SHROOM4: variants seen among roughly 807,000 people sequenced by gnomAD.
SHROOM4 encodes the protein protein Shroom4.
Under a neutral mutation model 80.3 loss-of-function variants are expected in SHROOM4, and 17 were observed. The ratio of observed to expected loss-of-function variants is 0.21; its 90% CI spans 0.14 to 0.32. The LOEUF (loss-of-function observed/expected upper bound fraction) is 0.32, where lower values mean the gene tolerates loss of function less well. SHROOM4 is among the 10% of genes least tolerant of loss of function. SHROOM4 has a pLI of 1.00. For missense variants in SHROOM4, 993 were observed against 1,140.3 expected (o/e 0.87, Z 1.86); for synonymous variants, 400 against 437.5 (o/e 0.91, Z 1.07).
intron 1 of SHROOM4, among the ~76,000 whole-genome samples, chrX:50,753,515 A>C (rs1321295499): frequency 2.7e-5 from 3 of 111,916 alleles, no homozygotes; most frequent in Non-Finnish European, 5.6e-5. Context: ...TGAGCTGTCC[A>C]GTACAGTAGC....
chrX:50,680,589 T>C (rs1557261721), intron 2 of SHROOM4, among the ~76,000 whole-genome samples: 1 of 111,330 alleles, frequency 9.0e-6, no homozygotes, highest in Non-Finnish European at 1.9e-5. Flanking sequence ...TACCTCTAAA[T>C]ACTTCAGTTT....
intron 5 of SHROOM4, among the ~76,000 whole-genome samples, chrX:50,617,338 A>G (rs1201649425): frequency 8.9e-6 from 1 of 111,779 alleles, no homozygotes; most frequent in African/African-American, 3.3e-5. Flanking sequence ...CCTTGTTCCC[A>G]TCAAGAGAAT....
At chrX:50,608,394 C>T (rs782139413) in intron 5 of SHROOM4, among the ~76,000 whole-genome samples, 1 of 111,803 alleles carries the variant, frequency 8.9e-6, no homozygotes, top group Non-Finnish European at 1.9e-5. Context: ...AAGTGGTTTC[C>T]ATGTCTTCAC....
chrX:50,794,216 G>A (rs375033596), intron 1 of SHROOM4, among the ~76,000 whole-genome samples: 24 of 111,689 alleles, frequency 2.1e-4, no homozygotes, highest in Non-Finnish European at 4.1e-4. Context: ...TAGTGAACTA[G>A]AACACTGCAA....
chrX:50,786,032 C>T (rs1935732308), intron 1 of SHROOM4, among the ~76,000 whole-genome samples: 1 of 111,042 alleles, frequency 9.0e-6, no homozygotes, highest in Non-Finnish European at 1.9e-5. Context: ...TTGAAAAATC[C>T]AGAAACTACA....
intron 2 of SHROOM4, among the ~76,000 whole-genome samples, chrX:50,690,795 T>C (rs1440878579): frequency 2.7e-5 from 3 of 111,744 alleles, no homozygotes; most frequent in African/African-American, 9.8e-5. Context: ...GGTGAAGCCC[T>C]GTCTCTACTA....
Position 50,607,490 on chromosome X carries a change from G to T in SHROOM4, c.3652C>A (p.Pro1218Thr), listed in dbSNP as rs1557248736. Residue 1218 changes from proline to threonine, a missense_variant, in exon 6 of 9, where the codon CCA becomes ACA. By Grantham distance (38) the Pro-to-Thr change is conservative. Coordinates refer to ENST00000376020, the MANE Select transcript of SHROOM4 (RefSeq NM_020717.5). The stretch of plus-strand genomic sequence containing the variant: ...TGAGATCCCAAGTGACCCCTTATTG[G>T]AGGCAAGAAATCACTGGAATGGAGT... ...FALHSSDFLPPIRGHLGSQPE... is the reference protein window; with the variant it reads ...FALHSSDFLPTIRGHLGSQPE... 2 of 1,211,452 alleles carry T rather than the reference G, an allele frequency of 1.7e-6. No individual in the cohort carries two copies. Among genetic ancestry groups the T allele is most frequent in the South Asian group, 3.5e-5 (2 of 56,928 alleles).
chrX:50,782,419 C>G (rs1460794929), intron 1 of SHROOM4, among the ~76,000 whole-genome samples: 4 of 110,447 alleles, frequency 3.6e-5, no homozygotes, highest in African/African-American at 1.3e-4. Flanking sequence ...GGAGGAGGGC[C>G]CAAAAGAGAA....
intron 1 of SHROOM4, among the ~76,000 whole-genome samples, chrX:50,747,576 G>A (rs1934800852): frequency 8.9e-6 from 1 of 112,296 alleles, no homozygotes; most frequent in Non-Finnish European, 1.9e-5. Context: ...TGCTGTGTCA[G>A]AAATTGGCGA....
At chrX:50,718,725 T>G (rs782302982) in intron 1 of SHROOM4, among the ~76,000 whole-genome samples, 1 of 111,573 alleles carries the variant, frequency 9.0e-6, no homozygotes, top group East Asian at 2.8e-4. Context: ...GTAGGAAGGC[T>G]TTGTAATATA....
chrX:50,654,168 G>A (rs1557259242), intron 2 of SHROOM4, among the ~76,000 whole-genome samples: 1 of 111,202 alleles, frequency 9.0e-6, no homozygotes, highest in Non-Finnish European at 1.9e-5. Flanking sequence ...TCTTCTTTAG[G>A]GTGAGGAAGC....
chrX:50,600,081 C>G (rs1231745058), intron 7 of SHROOM4, among the ~76,000 whole-genome samples: 1 of 111,666 alleles, frequency 9.0e-6, no homozygotes, highest in Non-Finnish European at 1.9e-5. Context: ...AATCCCACTT[C>G]TGTTTCCTCA....
At chrX:50,687,997 C>A (rs1399525757) in intron 2 of SHROOM4, among the ~76,000 whole-genome samples, 1 of 110,069 alleles carries the variant, frequency 9.1e-6, no homozygotes, top group African/African-American at 3.3e-5. Context: ...CCCCTGTCCT[C>A]ATGGTTCTAG....
chrX:50,664,202 A>G (rs1932615126), intron 2 of SHROOM4, among the ~76,000 whole-genome samples: 1 of 111,934 alleles, frequency 8.9e-6, no homozygotes, highest in Admixed American at 9.5e-5. Context: ...AGACTTGCCC[A>G]GTATTTCTAC....
intron 1 of SHROOM4, among the ~76,000 whole-genome samples, chrX:50,776,695 T>C (rs782132410): frequency 5.4e-5 from 6 of 110,238 alleles, no homozygotes. Context: ...TTCTTTTTTT[T>C]TATTTTTTTT....
chrX:50,739,384 G>C (rs782075050), intron 1 of SHROOM4, among the ~76,000 whole-genome samples: 179 of 111,423 alleles, frequency 1.6e-3, no homozygotes, highest in African/African-American at 5.7e-3. Flanking sequence ...TACCATCAGA[G>C]TGAACAGGCA....
intron 2 of SHROOM4, among the ~76,000 whole-genome samples, chrX:50,661,387 G>A (rs1159764186): frequency 9.0e-6 from 1 of 110,948 alleles, no homozygotes; most frequent in Non-Finnish European, 1.9e-5. Flanking sequence ...TTGTAGAGAC[G>A]GGGTTTTGCC....
At chrX:50,794,774 AGAG>A (rs781803985) in intron 1 of SHROOM4, among the ~76,000 whole-genome samples, 6 of 106,938 alleles carry the variant, frequency 5.6e-5, no homozygotes, top group Non-Finnish European at 9.6e-5. Flanking sequence ...GACAAGGAAG[AGAG>A]GAGATCAGAA....
intron 2 of SHROOM4, among the ~76,000 whole-genome samples, chrX:50,672,707 A>G (rs1210765151): frequency 2.7e-5 from 3 of 111,788 alleles, no homozygotes; most frequent in Non-Finnish European, 5.7e-5. Context: ...AACAGGATAA[A>G]CCCAAAGAAA....
Sources: allele counts gnomAD v4.1 joint callset (sites outside exome capture counted in the v4.1 genomes callset), GRCh38; gene constraint gnomAD v4.1.1; transcripts MANE v1.5; gene names NCBI Gene and HGNC (gene_info 2026-07-23, HGNC 2026-07-21).